Variants in FAM169A observed in about 807,000 individuals in gnomAD.
FAM169A encodes the protein soluble lamin-associated protein of 75 kDa.
FAM169A carries 24 observed loss-of-function variants against 75.7 expected under a neutral mutation model. The ratio of observed to expected loss-of-function variants is 0.32; its 90% CI spans 0.23 to 0.45. The LOEUF (loss-of-function observed/expected upper bound fraction) is 0.45, where lower values mean the gene tolerates loss of function less well. Among genes scored for constraint, FAM169A ranks in the 20% least tolerant of loss-of-function variants. FAM169A has a pLI of 1.00. For missense variants in FAM169A, 673 were observed against 784.0 expected (o/e 0.86, Z 1.69); for synonymous variants, 271 against 271.0 (o/e 1.00, Z 0.00).
intron 1 of FAM169A, among the ~76,000 whole-genome samples, chr5:74,845,413 G>A (rs1229471246): frequency 6.6e-6 from 1 of 152,124 alleles, no homozygotes; most frequent in Non-Finnish European, 1.5e-5. Flanking sequence ...AGCTACTCAA[G>A]AGGCTGAGGC....
intron 1 of FAM169A, chr5:74,848,914 T>C (rs1019692306): frequency 2.6e-5 from 4 of 152,172 alleles, no homozygotes; most frequent in Admixed American, 6.6e-5. Flanking sequence ...TTCTATGTTA[T>C]GTAACTGTAA....
intron 1 of FAM169A, among the ~76,000 whole-genome samples, chr5:74,859,225 A>T (rs1749906577): frequency 6.6e-6 from 1 of 151,740 alleles, no homozygotes; most frequent in African/African-American, 2.4e-5. Context: ...AAAAAAGAAA[A>T]ACCAAAAAAC....
intron 11 of FAM169A, among the ~76,000 whole-genome samples, chr5:74,784,822 G>A (rs1745608581): frequency 1.3e-5 from 2 of 150,394 alleles, no homozygotes; most frequent in Non-Finnish European, 3.0e-5. Context: ...GGGAGGCTGA[G>A]GCAGAAGAAT....
chr5:74,783,654 G>C (rs780782105), intron 11 of FAM169A, among the ~76,000 whole-genome samples: 1 of 152,164 alleles, frequency 6.6e-6, no homozygotes, highest in Admixed American at 6.5e-5. Context: ...TGGGAGGAGA[G>C]AGCCCTAGTC....
chr5:74,803,921 G>A (rs981589921), intron 8 of FAM169A, among the ~76,000 whole-genome samples: 1 of 152,118 alleles, frequency 6.6e-6, no homozygotes, highest in African/African-American at 2.4e-5. Flanking sequence ...ATATATAAAT[G>A]TGTTTGCTCC....
chr5:74,837,260 A>T (rs1395162023), intron 4 of FAM169A, among the ~76,000 whole-genome samples: 2 of 152,128 alleles, frequency 1.3e-5, no homozygotes, highest in Non-Finnish European at 2.9e-5. Flanking sequence ...AGAACATATT[A>T]TACTCCTTTA....
At chr5:74,786,236 A>G (rs2112469239) in intron 11 of FAM169A, among the ~76,000 whole-genome samples, 1 of 152,250 alleles carries the variant, frequency 6.6e-6, no homozygotes, top group Non-Finnish European at 1.5e-5. Flanking sequence ...TGATCATGCA[A>G]GTTAATATTC....
intron 8 of FAM169A, among the ~76,000 whole-genome samples, chr5:74,801,866 C>T (rs1380166634): frequency 1.3e-5 from 2 of 152,174 alleles, no homozygotes; most frequent in Non-Finnish European, 2.9e-5. Context: ...CTAGTTCTGT[C>T]CTCAGCCACC....
chr5:74,818,387 C>G (rs1373726461), intron 5 of FAM169A, among the ~76,000 whole-genome samples: 2 of 151,958 alleles, frequency 1.3e-5, no homozygotes, highest in Admixed American at 6.6e-5. Context: ...AAGTGATTGC[C>G]AATTAGTACA....
At chr5:74,810,614 G>A (rs1376207765) in intron 6 of FAM169A, among the ~76,000 whole-genome samples, 3 of 151,594 alleles carry the variant, frequency 2.0e-5, no homozygotes, top group African/African-American at 7.3e-5. Flanking sequence ...GCCAGGCGTG[G>A]TGGCGGGCAC....
intron 5 of FAM169A, among the ~76,000 whole-genome samples, chr5:74,826,617 C>G (rs1036260876): frequency 1.3e-5 from 2 of 152,148 alleles, no homozygotes; most frequent in African/African-American, 4.8e-5. Flanking sequence ...GATGTTATTT[C>G]TGACATATTG....
intron 4 of FAM169A, among the ~76,000 whole-genome samples, chr5:74,837,858 C>A (rs1255035898): frequency 6.6e-6 from 1 of 152,112 alleles, no homozygotes; most frequent in Non-Finnish European, 1.5e-5. Context: ...TGGCTTATGT[C>A]TGTAATCCTA....
At chr5:74,829,761 G>C (rs538522849) in intron 5 of FAM169A, among the ~76,000 whole-genome samples, 2 of 152,278 alleles carry the variant, frequency 1.3e-5, no homozygotes, top group East Asian at 3.9e-4. Flanking sequence ...ATCATCTGAG[G>C]TCAGGAGATC....
intron 1 of FAM169A, chr5:74,848,491 T>C (rs1445891785): frequency 2.0e-5 from 3 of 152,218 alleles, no homozygotes; most frequent in East Asian, 3.8e-4. Flanking sequence ...CATTTTCTTT[T>C]GTAAAATATA....
chr5:74,853,668 TTCTATA>T (rs1463779449), intron 1 of FAM169A, among the ~76,000 whole-genome samples: 1 of 152,098 alleles, frequency 6.6e-6, no homozygotes, highest in Non-Finnish European at 1.5e-5. Context: ...TCTTCGGACT[TTCTATA>T]TCTAATCACT....
chr5:74,811,197 T>C (rs1055818425), intron 6 of FAM169A, among the ~76,000 whole-genome samples: 1 of 152,140 alleles, frequency 6.6e-6, no homozygotes, highest in Non-Finnish European at 1.5e-5. Flanking sequence ...TTGGCCAGGC[T>C]AGTCTTGCAT....
chr5:74,816,750 T>C (rs1747491926), intron 5 of FAM169A, among the ~76,000 whole-genome samples: 1 of 152,236 alleles, frequency 6.6e-6, no homozygotes, highest in South Asian at 2.1e-4. Context: ...TTAAATTTAC[T>C]AGCTCAGATT....
At chr5:74,841,771 AT>A in intron 1 of FAM169A, 92 bp from the exon 2 acceptor site, 1 of 1,130,176 alleles carries the variant, frequency 8.8e-7, no homozygotes, top group Middle Eastern at 2.1e-4. Context: ...ATGTTGCCAT[AT>A]TTTGTTATAA....
At chr5:74,795,425 A>C (rs1195146425) in intron 11 of FAM169A, among the ~76,000 whole-genome samples, 1 of 152,186 alleles carries the variant, frequency 6.6e-6, no homozygotes, top group Non-Finnish European at 1.5e-5. Flanking sequence ...AGAAAAATGG[A>C]AATGGATAGA....
Sources: allele counts gnomAD v4.1 joint callset (sites outside exome capture counted in the v4.1 genomes callset), GRCh38; gene constraint gnomAD v4.1.1; transcripts MANE v1.5; gene names NCBI Gene and HGNC (gene_info 2026-07-23, HGNC 2026-07-21).